The following ZNF254 variants were observed in gnomAD, a reference collection of about 807,000 sequenced individuals.
ZNF254 encodes CTD-2017D11.1.
A neutral mutation model predicts 12.4 loss-of-function variants in ZNF254; 10 were observed. The observed-to-expected ratio is 0.80, with a 90% confidence interval of 0.50 to 1.36. ZNF254 has a LOEUF of 1.36. Ranked by LOEUF, ZNF254 falls within the 40% of genes most tolerant of loss-of-function variation. ZNF254 has a pLI of 0.00. For missense variants in ZNF254, 996 were observed against 763.9 expected (o/e 1.30, Z -3.58); for synonymous variants, 305 against 253.4 (o/e 1.20, Z -1.93).
Position 24,126,723 on chromosome 19 carries a change from AG to A in ZNF254, c.724del (p.Glu242AsnfsTer17). On this transcript the variant is annotated frameshift_variant, in exon 4 of 4. Transcript: ENST00000357002. LOFTEE classifies it low-confidence loss of function (END_TRUNC). ...CTGAAGAGAAACCTTACAAATGTGA[AG>A]AATATAACAAATCTCCTAAGCAACT... ...YTEEKPYKCE[E>X]YNKSPKQLST... 6.2e-7 allele frequency: 1 copy of A among 1,613,576 alleles called. No homozygotes were observed. Among genetic ancestry groups the A allele is most frequent in the Non-Finnish European group, 8.5e-7 (1 of 1,179,806 alleles).
chr19:24,058,260 C>A (rs1347393877), intron 2 of ZNF254, among the ~76,000 whole-genome samples: 1 of 152,126 alleles, frequency 6.6e-6, no homozygotes, highest in African/African-American at 2.4e-5. Flanking sequence ...TGGATTTAAC[C>A]CACAGATGGA....
At chr19:24,114,960 C>G (rs1461690047) in intron 3 of ZNF254, among the ~76,000 whole-genome samples, 2 of 152,414 alleles carry the variant, frequency 1.3e-5, no homozygotes, top group South Asian at 2.1e-4. Flanking sequence ...AAATGCAAAT[C>G]AAAACCACAG....
In ZNF254 at chr19:24,126,610, T is replaced by C. The variant is rs1353117108; in HGVS notation, c.610T>C (p.Tyr204His). 1 of 1,606,080 alleles carries C rather than the reference T, an allele frequency of 6.2e-7. No homozygotes were observed. The highest frequency in any genetic ancestry group is 1.3e-5 in the African/African-American group (1 of 74,480). ...ACATAAAACCCAACACAAAAGCATT[T>C]ATCATAGAGAGAAGTCCTACAAATG... Reference protein sequence around the residue: ...LSHKTQHKSIYHREKSYKCKE... With the variant: ...LSHKTQHKSIHHREKSYKCKE... Residue 204 changes from tyrosine (Y) to histidine (H), a missense_variant, in exon 4 of 4, where the codon TAT becomes CAT. Tyr to His is a moderately conservative substitution (Grantham distance 83). Coordinates refer to ENST00000357002, the MANE Select transcript of ZNF254 (RefSeq NM_203282.4).
At chr19:24,082,147 T>C (rs1971866865) in intron 2 of ZNF254, among the ~76,000 whole-genome samples, 2 of 151,074 alleles carry the variant, frequency 1.3e-5, no homozygotes, top group African/African-American at 4.9e-5. Flanking sequence ...AAAAAGATAA[T>C]ATCGAGTCTC....
intron 3 of ZNF254, among the ~76,000 whole-genome samples, chr19:24,124,664 C>G (rs936371097): frequency 1.3e-5 from 2 of 151,590 alleles, no homozygotes; most frequent in African/African-American, 4.8e-5. Context: ...CAATTTTTGT[C>G]ATGACTACAT....
intron 2 of ZNF254, chr19:24,065,684 G>A (rs772266091): frequency 2.2e-5 from 3 of 136,242 alleles, no homozygotes; most frequent in African/African-American, 5.9e-5. Flanking sequence ...CCAGCACCTC[G>A]GTGATTTGAC....
intron 1 of ZNF254, among the ~76,000 whole-genome samples, chr19:24,035,121 A>G (rs1969917361): frequency 6.6e-6 from 1 of 152,180 alleles, no homozygotes; most frequent in Admixed American, 6.5e-5. Flanking sequence ...AGCAGATGCT[A>G]GATTAGGGAA....
chr19:24,105,016 G>A (rs1712368792), intron 1 of ZNF254: 1 of 152,150 alleles, frequency 6.6e-6, no homozygotes, highest in Admixed American at 6.6e-5. Flanking sequence ...CCATAAAACT[G>A]ATGTTTTCTT....
chr19:24,057,693 G>T (rs555658837), intron 2 of ZNF254, among the ~76,000 whole-genome samples: 29 of 152,336 alleles, frequency 1.9e-4, no homozygotes, highest in African/African-American at 6.5e-4. Flanking sequence ...TCTTATAAGT[G>T]AATCCAGTCC....
At chr19:24,047,874 A>G (rs1338315314) in intron 2 of ZNF254, among the ~76,000 whole-genome samples, 3 of 150,600 alleles carry the variant, frequency 2.0e-5, no homozygotes, top group Non-Finnish European at 4.4e-5. Context: ...TTTAGTAGAG[A>G]TGGGGTTTCT....
At chr19:24,073,774 G>A (rs947419944) in intron 2 of ZNF254, among the ~76,000 whole-genome samples, 5 of 152,204 alleles carry the variant, frequency 3.3e-5, no homozygotes, top group African/African-American at 1.2e-4. Context: ...CATGTATTCA[G>A]TCCACCTTTG....
chr19:24,070,056 C>T (rs10401209), intron 2 of ZNF254, among the ~76,000 whole-genome samples: 343 of 152,306 alleles, frequency 2.3e-3, no homozygotes, highest in African/African-American at 8.1e-3. Flanking sequence ...GATATGCAAA[C>T]ATCGAGCCAG....
chr19:24,102,984 G>A (rs1215936605), intron 1 of ZNF254, among the ~76,000 whole-genome samples: 1 of 151,966 alleles, frequency 6.6e-6, no homozygotes, highest in African/African-American at 2.4e-5. Context: ...CAACTCACAG[G>A]GTATTATTAG....
intron 2 of ZNF254, among the ~76,000 whole-genome samples, chr19:24,062,713 C>T (rs1268885631): frequency 6.6e-6 from 1 of 152,158 alleles, no homozygotes; most frequent in African/African-American, 2.4e-5. Flanking sequence ...AAAATTGACT[C>T]TCATTTGTGG....
chr19:24,127,350 T>C lies in ZNF254; in HGVS notation c.1350T>C (p.Thr450=). ...CATTTATCTGGTCCTCAACCCTTACTAAACATAAGAGAATTCATACTAGAG... is the reference window on the plus strand; with the variant it reads ...CATTTATCTGGTCCTCAACCCTTACCAAACATAAGAGAATTCATACTAGAG... The part of the protein sequence containing the change: ...GKAFIWSSTL[T]KHKRIHTREK... Residue 450 remains threonine (T), a synonymous_variant, in exon 4 of 4, where the codon ACT becomes ACC. Coordinates refer to ENST00000357002, the MANE Select transcript of ZNF254 (RefSeq NM_203282.4). The C allele has an allele frequency of 6.2e-7, 1 of 1,613,650 alleles. No individual in the cohort carries two copies.
At chr19:24,101,704 C>G (rs1282135915) in intron 1 of ZNF254, among the ~76,000 whole-genome samples, 2 of 152,202 alleles carry the variant, frequency 1.3e-5, no homozygotes, top group African/African-American at 4.8e-5. Flanking sequence ...TAGAATCAGC[C>G]TGAGTCTCTC....
chr19:24,115,351 A>G (rs886726345), intron 3 of ZNF254, among the ~76,000 whole-genome samples: 11 of 152,202 alleles, frequency 7.2e-5, no homozygotes, highest in African/African-American at 2.7e-4. Flanking sequence ...AGCCATCAAT[A>G]ATGATGAGTT....
Position 24,128,618 on chromosome 19 carries a change from A to G in ZNF254, c.*638A>G, listed in dbSNP as rs779558849. The G allele has an allele frequency of 6.6e-6, 1 of 152,128 alleles. No individual in the cohort carries two copies. Among genetic ancestry groups the G allele is most frequent in the Non-Finnish European group, 1.5e-5 (1 of 67,962 alleles). 9.4% of individuals were successfully genotyped at this position (152,128 alleles called of 1,614,324 possible). Reference sequence around the variant, plus strand: ...ATGAATTTGGAAAAACATTTTTTCAAAAACTACAAATTATAAAACACCAAA... The same window carrying G: ...ATGAATTTGGAAAAACATTTTTTCAGAAACTACAAATTATAAAACACCAAA... On this transcript the variant is annotated 3_prime_UTR_variant, in exon 4 of 4. Transcript: ENST00000357002.
chr19:24,121,766 G>A (rs1018975268), intron 3 of ZNF254, among the ~76,000 whole-genome samples: 2 of 151,808 alleles, frequency 1.3e-5, no homozygotes, highest in Non-Finnish European at 2.9e-5. Flanking sequence ...CATGTTGGCC[G>A]GGCTGGTCTT....
Sources: gnomAD v4.1 joint callset for allele counts (sites outside exome capture counted in the v4.1 genomes callset) on GRCh38, gnomAD v4.1.1 for gene constraint, MANE v1.5 for transcripts, NCBI Gene and HGNC (gene_info 2026-07-23, HGNC 2026-07-21) for gene names.